The following DENND5B variants were observed in gnomAD, a reference collection of about 807,000 sequenced individuals.
DENND5B encodes DENN domain containing 5B.
Under a neutral mutation model 140.6 loss-of-function variants are expected in DENND5B, and 34 were observed. The observed-to-expected ratio is 0.24, with a 90% CI of 0.18 to 0.32. DENND5B has a LOEUF of 0.32. Ranked by LOEUF, DENND5B falls within the 10% of genes least tolerant of loss-of-function variation. The pLI, the probability that DENND5B is intolerant of heterozygous loss-of-function variation, is 1.00. For missense variants in DENND5B, 1,142 were observed against 1,560.2 expected (o/e 0.73, Z 4.52); for synonymous variants, 551 against 562.1 (o/e 0.98, Z 0.28).
chr12:31,436,878 T>G (rs189683330), intron 7 of DENND5B, among the ~76,000 whole-genome samples: 1 of 152,056 alleles, frequency 6.6e-6, no homozygotes. Context: ...ATGAAATAAG[T>G]TCTGTCACCT....
intron 17 of DENND5B, 32 bp from the exon 18 acceptor site, chr12:31,392,728 A>C: frequency 1.1e-4 from 175 of 1,535,964 alleles, no homozygotes; most frequent in Middle Eastern, 1.7e-4. Flanking sequence ...CTGCATTCTC[A>C]TGGGAGAGAA....
intron 2 of DENND5B, 72 bp downstream of exon 2, chr12:31,495,738 A>G: frequency 9.0e-7 from 1 of 1,114,448 alleles, no homozygotes. Context: ...CATTCAAAAT[A>G]CAGTCACTAC....
chr12:31,547,405 TTTTTG>T (rs1284794675), intron 1 of DENND5B, among the ~76,000 whole-genome samples: 2 of 152,186 alleles, frequency 1.3e-5, no homozygotes. Context: ...ACTAAAAAGT[TTTTTG>T]TTTTGTTTTT....
intron 2 of DENND5B, 124 bp from the exon 3 acceptor site, chr12:31,480,379 G>A (rs536002673): frequency 2.1e-5 from 18 of 851,732 alleles, no homozygotes; most frequent in Non-Finnish European, 2.7e-5. Flanking sequence ...TTTAATATTC[G>A]CAATAGCCTT....
intron 6 of DENND5B, among the ~76,000 whole-genome samples, chr12:31,446,599 T>C (rs1258293448): frequency 6.6e-6 from 1 of 152,024 alleles, no homozygotes; most frequent in Non-Finnish European, 1.5e-5. Context: ...AGGTGAGAAG[T>C]AAAAATGAAA....
At chr12:31,546,868 C>T (rs1019826546) in intron 1 of DENND5B, among the ~76,000 whole-genome samples, 1 of 152,106 alleles carries the variant, frequency 6.6e-6, no homozygotes, top group African/African-American at 2.4e-5. Flanking sequence ...ACAACCGCAA[C>T]CAAAATTTAT....
At chr12:31,480,346 CAA>C (rs1401819388) in intron 2 of DENND5B, 91 bp from the exon 3 acceptor site, 3 of 1,244,480 alleles carry the variant, frequency 2.4e-6, no homozygotes, top group Non-Finnish European at 3.2e-6. Context: ...TAACAGGATT[CAA>C]AAAGACAGGT....
chr12:31,522,518 A>G (rs1044188473), intron 1 of DENND5B, among the ~76,000 whole-genome samples: 1 of 152,192 alleles, frequency 6.6e-6, no homozygotes, highest in Non-Finnish European at 1.5e-5. Flanking sequence ...GATCTAGCTC[A>G]CTGCAACCTC....
chr12:31,517,234 A>AC (rs1242773495), intron 1 of DENND5B, among the ~76,000 whole-genome samples: 1 of 152,174 alleles, frequency 6.6e-6, no homozygotes, highest in Non-Finnish European at 1.5e-5. Context: ...CCCCACTACA[A>AC]CCCACGGTGA....
At chr12:31,425,823 A>G (rs1943205133) in intron 9 of DENND5B, among the ~76,000 whole-genome samples, 1 of 152,308 alleles carries the variant, frequency 6.6e-6, no homozygotes, top group Middle Eastern at 3.4e-3. Flanking sequence ...TTGTACTGCT[A>G]CCTCCAATAA....
At chr12:31,451,400 T>C (rs922461379) in intron 5 of DENND5B, among the ~76,000 whole-genome samples, 5 of 152,174 alleles carry the variant, frequency 3.3e-5, no homozygotes, top group Non-Finnish European at 7.3e-5. Context: ...CTTGGCTCAC[T>C]GCAACCTCTG....
intron 1 of DENND5B, chr12:31,500,388 A>G: frequency 2.2e-6 from 1 of 454,038 alleles, no homozygotes; most frequent in Non-Finnish European, 4.4e-6. Flanking sequence ...ACTTTAAAAA[A>G]TTACATCCTG....
intron 14 of DENND5B, 30 bp from the exon 15 acceptor site, chr12:31,402,673 A>G: frequency 7.6e-6 from 12 of 1,580,254 alleles, no homozygotes; most frequent in Non-Finnish European, 9.5e-6. Flanking sequence ...ATTAATTAAA[A>G]AGCGGGAATA....
intron 1 of DENND5B, among the ~76,000 whole-genome samples, chr12:31,499,290 C>G (rs1462161026): frequency 6.6e-6 from 1 of 152,198 alleles, no homozygotes; most frequent in Non-Finnish European, 1.5e-5. Context: ...ACTGCTACAA[C>G]TACATATCAA....
At chr12:31,579,838 C>T (rs1195750674) in intron 1 of DENND5B, among the ~76,000 whole-genome samples, 2 of 151,236 alleles carry the variant, frequency 1.3e-5, no homozygotes, top group East Asian at 3.9e-4. Context: ...TGGGGAAAGA[C>T]AGTCCCATAT....
At position 31,386,573 on chromosome 12, in the gene DENND5B, TCA is replaced by T. The variant is rs1437043293; in HGVS notation, c.*1028_*1029del. ...GCATTATCATGGTCAACAAATGCTTTCACAAAAACATTCCAAGCCACACACAG... is the reference window on the plus strand; with the variant it reads ...GCATTATCATGGTCAACAAATGCTTTCAAAAACATTCCAAGCCACACACAG... On this transcript the variant is annotated 3_prime_UTR_variant, in exon 21 of 21. Transcript: ENST00000389082. 2.6e-5 allele frequency: 4 copies of T among 152,314 alleles called. No individual in the cohort carries two copies. The highest frequency in any genetic ancestry group is 9.6e-5 in the African/African-American group (4 of 41,566). 9.4% of individuals were successfully genotyped at this position (152,314 alleles called of 1,614,324 possible).
At chr12:31,508,264 A>T (rs1947277765) in intron 1 of DENND5B, among the ~76,000 whole-genome samples, 1 of 152,140 alleles carries the variant, frequency 6.6e-6, no homozygotes, top group South Asian at 2.1e-4. Context: ...TCCATTAACT[A>T]CTTTTGCTGC....
At chr12:31,468,237 G>A (rs1945370455) in intron 3 of DENND5B, among the ~76,000 whole-genome samples, 1 of 152,152 alleles carries the variant, frequency 6.6e-6, no homozygotes, top group African/African-American at 2.4e-5. Context: ...CTGGGCAACA[G>A]AGCAAGACCC....
intron 4 of DENND5B, among the ~76,000 whole-genome samples, chr12:31,459,754 T>C (rs962959227): frequency 6.6e-6 from 1 of 152,244 alleles, no homozygotes; most frequent in African/African-American, 2.4e-5. Flanking sequence ...AAGTGTTTGA[T>C]ATTTCCATTA....
Sources: allele counts gnomAD v4.1 joint callset (sites outside exome capture counted in the v4.1 genomes callset), GRCh38; gene constraint gnomAD v4.1.1; transcripts MANE v1.5; gene names NCBI Gene and HGNC (gene_info 2026-07-23, HGNC 2026-07-21).